Variants in KIAA1217 observed in about 807,000 individuals in gnomAD.
The protein encoded by KIAA1217 is KIAA1217.
Under a neutral mutation model 163.9 loss-of-function variants are expected in KIAA1217, and 88 were observed. That is an observed-to-expected ratio of 0.54 (90% confidence interval 0.45 to 0.64). The LOEUF (loss-of-function observed/expected upper bound fraction) is 0.64. Ranked by LOEUF, KIAA1217 falls within the 30% of genes least tolerant of loss-of-function variation. The pLI, the probability that KIAA1217 is intolerant of heterozygous loss-of-function variation, is 0.00. For synonymous variants in KIAA1217, 903 were observed against 923.1 expected (o/e 0.98, Z 0.39); for missense variants, 2,372 against 2,475.0 (o/e 0.96, Z 0.88).
At chr10:24,168,654 A>C (rs1490303327) in intron 2 of KIAA1217, among the ~76,000 whole-genome samples, 1 of 152,174 alleles carries the variant, frequency 6.6e-6, no homozygotes, top group South Asian at 2.1e-4. Flanking sequence ...CAATATATCA[A>C]AGGATTTCCT....
chr10:24,154,208 C>G (rs1296037408), intron 2 of KIAA1217, among the ~76,000 whole-genome samples: 2 of 151,956 alleles, frequency 1.3e-5, no homozygotes, highest in Non-Finnish European at 2.9e-5. Flanking sequence ...CCGCCCGCCT[C>G]GGCCTCCCAA....
At chr10:24,109,429 C>T (rs12241132) in intron 2 of KIAA1217, among the ~76,000 whole-genome samples, 12,378 of 151,594 alleles carry the variant, frequency 0.082, 1,456 homozygotes, top group African/African-American at 0.27. Flanking sequence ...TACTGAGCAA[C>T]GTTTACATTG....
At chr10:24,088,741 T>TG (rs1352189246) in intron 2 of KIAA1217, among the ~76,000 whole-genome samples, 3 of 123,922 alleles carry the variant, frequency 2.4e-5, no homozygotes, top group African/African-American at 5.0e-5. Context: ...TTGTGAATAG[T>TG]CCGCATTAAA....
intron 3 of KIAA1217, among the ~76,000 whole-genome samples, chr10:24,394,215 T>A (rs148212065): frequency 6.6e-6 from 1 of 152,324 alleles, no homozygotes; most frequent in East Asian, 1.9e-4. Context: ...CTGCATCCTA[T>A]CAAGCGAAGC....
chr10:23,785,602 C>A (rs942519509), intron 1 of KIAA1217, among the ~76,000 whole-genome samples: 1 of 152,126 alleles, frequency 6.6e-6, no homozygotes, highest in Non-Finnish European at 1.5e-5. Flanking sequence ...TTTAACTCCC[C>A]TCTGCCACTT....
At chr10:23,973,073 T>A (rs558781920) in intron 1 of KIAA1217, among the ~76,000 whole-genome samples, 117 of 152,260 alleles carry the variant, frequency 7.7e-4, no homozygotes, top group African/African-American at 2.4e-3. Context: ...TTAAAAAAAA[T>A]TTTAGAAAAG....
intron 1 of KIAA1217, among the ~76,000 whole-genome samples, chr10:23,940,095 C>T (rs926107955): frequency 6.6e-6 from 1 of 151,252 alleles, no homozygotes; most frequent in African/African-American, 2.4e-5. Context: ...TGTAACAATC[C>T]ACGTGTTTAT....
intron 2 of KIAA1217, among the ~76,000 whole-genome samples, chr10:24,146,980 A>G (rs558947866): frequency 1.3e-5 from 2 of 149,438 alleles, no homozygotes; most frequent in East Asian, 2.0e-4. Flanking sequence ...CCTAAGAATC[A>G]CTTAAGGAAC....
intron 3 of KIAA1217, among the ~76,000 whole-genome samples, chr10:24,426,118 G>A (rs76371794): frequency 0.019 from 2,957 of 152,250 alleles, 92 homozygotes; most frequent in African/African-American, 0.068. Context: ...AATTGTCACC[G>A]TCAGCTGCCT....
intron 2 of KIAA1217, among the ~76,000 whole-genome samples, chr10:24,311,169 C>G (rs1483826267): frequency 6.6e-6 from 1 of 152,148 alleles, no homozygotes; most frequent in Non-Finnish European, 1.5e-5. Context: ...AGAATTGCCC[C>G]TGAATTAAAG....
chr10:24,461,106 G>T (rs755932898), intron 5 of KIAA1217, among the ~76,000 whole-genome samples: 147 of 152,182 alleles, frequency 9.7e-4, no homozygotes, highest in Non-Finnish European at 1.8e-3. Context: ...TCTCTCACGG[G>T]CTCTGAAAAC....
At chr10:24,008,483 T>C (rs2131482917) in intron 2 of KIAA1217, among the ~76,000 whole-genome samples, 1 of 152,284 alleles carries the variant, frequency 6.6e-6, no homozygotes, top group South Asian at 2.1e-4. Context: ...AAAGAGGCTG[T>C]ATCCCCTCCT....
chr10:23,967,553 G>A (rs1188849711), intron 1 of KIAA1217, among the ~76,000 whole-genome samples: 2 of 152,188 alleles, frequency 1.3e-5, no homozygotes, highest in Admixed American at 6.5e-5. Context: ...TAAAGTGGAA[G>A]TGTATTCAAT....
intron 1 of KIAA1217, among the ~76,000 whole-genome samples, chr10:23,782,969 G>A (rs1410558962): frequency 6.6e-6 from 1 of 152,066 alleles, no homozygotes; most frequent in Admixed American, 6.5e-5. Flanking sequence ...GTTAGCTGGA[G>A]GCCTTTCATA....
chr10:23,716,066 A>G (rs113899974), intron 1 of KIAA1217, among the ~76,000 whole-genome samples: 1,597 of 152,298 alleles, frequency 0.01, 13 homozygotes, highest in Non-Finnish European at 0.018. Flanking sequence ...TATTCCTTAA[A>G]TAAGCTTTTA....
At chr10:23,738,110 G>A (rs1194050874) in intron 1 of KIAA1217, among the ~76,000 whole-genome samples, 2 of 151,942 alleles carry the variant, frequency 1.3e-5, no homozygotes, top group Non-Finnish European at 2.9e-5. Context: ...TTATTGTAGA[G>A]GAGATATGGA....
chr10:23,871,232 G>A (rs1171646808), intron 1 of KIAA1217, among the ~76,000 whole-genome samples: 4 of 151,980 alleles, frequency 2.6e-5, no homozygotes, highest in Non-Finnish European at 2.9e-5. Context: ...CCAAGCTCTA[G>A]GCTTTGAATA....
At chr10:23,987,206 T>A (rs779200481) in intron 1 of KIAA1217, among the ~76,000 whole-genome samples, 4 of 151,858 alleles carry the variant, frequency 2.6e-5, no homozygotes, top group Non-Finnish European at 5.9e-5. Context: ...TGAAACCCTG[T>A]CTCTACTAAA....
At chr10:23,719,123 T>C (rs1837727883) in intron 1 of KIAA1217, among the ~76,000 whole-genome samples, 1 of 152,190 alleles carries the variant, frequency 6.6e-6, no homozygotes, top group African/African-American at 2.4e-5. Flanking sequence ...ATAGCAGCTC[T>C]ATTGACAATG....
Sources: gnomAD v4.1 joint callset for allele counts (sites outside exome capture counted in the v4.1 genomes callset) on GRCh38, gnomAD v4.1.1 for gene constraint, MANE v1.5 for transcripts, NCBI Gene and HGNC (gene_info 2026-07-23, HGNC 2026-07-21) for gene names.